Variants in MDM1 observed in about 807,000 individuals in gnomAD.
MDM1 encodes the protein Mdm1 nuclear protein.
In MDM1, 61 loss-of-function variants were observed where a neutral mutation model predicts 89.1. The ratio of observed to expected loss-of-function variants is 0.68; its 90% CI spans 0.56 to 0.85. The LOEUF is 0.85. MDM1 is among the 40% of genes least tolerant of loss of function. MDM1 has a pLI of 0.00. For synonymous variants in MDM1, 290 were observed against 294.1 expected, an observed-to-expected ratio of 0.99 and a Z score of 0.14; for missense variants, 820 against 846.5, an observed-to-expected ratio of 0.97 and a Z score of 0.39.
chr12:68,314,235 T>C (rs1409897437), intron 10 of MDM1, among the ~76,000 whole-genome samples: 1 of 149,498 alleles, frequency 6.7e-6, no homozygotes, highest in Non-Finnish European at 1.5e-5. Context: ...AAATTTCCAA[T>C]AATGAATAGA....
intron 13 of MDM1, 151 bp from the exon 14 acceptor site, chr12:68,297,133 G>T (rs1871509428): frequency 2.2e-6 from 1 of 444,874 alleles, no homozygotes; most frequent in East Asian, 3.5e-5. Flanking sequence ...AAATGAAAAA[G>T]ATTTTATTAA....
chr12:68,325,568 C>A lies in MDM1; in HGVS notation c.506G>T (p.Arg169Ile). 1 of 1,537,886 alleles carries A rather than the reference C, an allele frequency of 6.5e-7. No homozygotes were observed. Among genetic ancestry groups the A allele is most frequent in the South Asian group, 1.3e-5 (1 of 75,314 alleles). The change falls in exon 4 of 15, where the codon AGA becomes ATA. Residue 169 changes from arginine (R) to isoleucine (I), a missense_variant. By Grantham distance (97) the Arg-to-Ile change is moderately conservative (BLOSUM62 -3). Transcript: ENST00000682720. The stretch of plus-strand genomic sequence containing the variant: ...CAATCCAGCTTTCTTACGCAGAAGT[C>A]TATCCAACTGTTCAAAAAACAAAAT... ...LSENVDNGLD[R>I]LLRKKAGLTV...
intron 13 of MDM1, 70 bp downstream of exon 13, chr12:68,302,550 T>G (rs1460382685): frequency 1.6e-6 from 2 of 1,287,022 alleles, no homozygotes; most frequent in African/African-American, 1.5e-5. Flanking sequence ...TAAAATGCAT[T>G]CTTAGACTTT....
chr12:68,301,101 T>C (rs1234288269), intron 13 of MDM1, among the ~76,000 whole-genome samples: 2 of 152,202 alleles, frequency 1.3e-5, no homozygotes, highest in African/African-American at 4.8e-5. Context: ...CAAAAATTCT[T>C]TGAAATGAGT....
chr12:68,321,173 A>T, intron 7 of MDM1, 174 bp downstream of exon 7: 1 of 308,564 alleles, frequency 3.2e-6, no homozygotes, highest in Non-Finnish European at 5.2e-6. Flanking sequence ...CAGTGGCATT[A>T]AAAAAAATGA....
rs1873997908 is a variant in MDM1, at chr12:68,313,532, G to A, written c.1660C>T (p.Pro554Ser). The A allele has an allele frequency of 1.2e-6, 2 of 1,613,718 alleles. No homozygotes were observed. The highest frequency in any genetic ancestry group is 1.3e-5 in the African/African-American group (1 of 74,896). ...GGGGCTGGAGGCTTCATCTTAGATGGAGACACTAAAACAGCACCACCTGGA... is the reference window on the plus strand; with the variant it reads ...GGGGCTGGAGGCTTCATCTTAGATGAAGACACTAAAACAGCACCACCTGGA... ...PAVGGAVLVS[P>S]SKMKPPAPEQ... Residue 554 changes from proline (P) to serine (S), a missense_variant, in exon 12 of 15, where the codon CCA becomes TCA. By Grantham distance (74) the Pro-to-Ser change is moderately conservative (BLOSUM62 -1). Coordinates refer to ENST00000682720, the MANE Select transcript of MDM1 (RefSeq NM_001354969.2).
intron 1 of MDM1, among the ~76,000 whole-genome samples, chr12:68,331,812 T>G (rs1430801744): frequency 6.6e-6 from 1 of 152,204 alleles, no homozygotes; most frequent in East Asian, 1.9e-4. Flanking sequence ...TACGCTGTCT[T>G]TACTAAGAAC....
Position 68,327,535 on chromosome 12 carries a change from CT to C in MDM1, c.134-515del, listed in dbSNP as rs894008126. 78 of 1,521,258 alleles carry C rather than the reference CT, an allele frequency of 5.1e-5. No homozygotes were observed. The African/African-American group carries it at 9.9e-4, about 19-fold the overall frequency. 94.2% of individuals were successfully genotyped at this position (1,521,258 alleles called of 1,614,324 possible). A position where few individuals can be genotyped will look rare whatever the true frequency, so the allele number is the denominator to read the frequency against. ...CCTGAGAATTAAAAAAGAATAAGCCCTTTTAACAACAGCTAAGATACAATTT... is the reference window on the plus strand; with the variant it reads ...CCTGAGAATTAAAAAAGAATAAGCCCTTTAACAACAGCTAAGATACAATTT... On this transcript the variant is annotated intron_variant, in intron 2 of 14. Transcript: ENST00000682720.
rs200711441 is a variant in MDM1 at position 68,302,623 on chromosome 12, T to C, written c.1999A>G (p.Asn667Asp). The C allele has an allele frequency of 1.6e-5, 26 of 1,609,408 alleles. No homozygotes were observed. In the Middle Eastern group the frequency reaches 1.2e-3, roughly 72 times the overall value. The change falls in exon 13 of 15, where the codon AAT (asparagine) becomes GAT (aspartate). Residue 667 changes from asparagine (N) to aspartate (D), a missense_variant. Physicochemically the swap from Asn to Asp is conservative, Grantham distance 23. Transcript: ENST00000682720. ...GSLRDPEFQH[N>D]VGKARMNNLQ... is the part of the protein sequence containing the mutation. ...AAATTAAAACCAAAATAATTACCAT[T>C]GTGCTGAAACTCTGGATCTCTAAGA...
intron 1 of MDM1, 178 bp downstream of exon 1, chr12:68,332,050 G>A: frequency 1.3e-6 from 1 of 784,526 alleles, no homozygotes; most frequent in Non-Finnish European, 2.2e-6. Context: ...TGAGCGGAGA[G>A]GGAACTAGGT....
chr12:68,306,624 AAAG>A (rs1160357070), intron 12 of MDM1, among the ~76,000 whole-genome samples: 1 of 152,234 alleles, frequency 6.6e-6, no homozygotes, highest in African/African-American at 2.4e-5. Flanking sequence ...AACAAACATG[AAAG>A]AATGCTCAAC....
Position 68,295,318 on chromosome 12 carries a change from A to C in MDM1, c.2111T>G (p.Leu704Arg), listed in dbSNP as rs140180238. The C allele has an allele frequency of 1.5e-5, 25 of 1,613,440 alleles. No individual in the cohort carries two copies. In the African/African-American group the frequency reaches 2.8e-4, roughly 18 times the overall value. ...TCGTGCCAGAGTTTGAAAAGCCCGG[A>C]GACTAGAAGCTGCAGAGCGAGCAGA... Reference protein sequence around the residue: ...EISARSAASSLRAFQTLARAK... With the variant: ...EISARSAASSRRAFQTLARAK... Residue 704 changes from leucine to arginine, a missense_variant, in exon 15 of 15, where the codon CTC (leucine) becomes CGC (arginine). By Grantham distance (102) the Leu-to-Arg change is moderately radical (BLOSUM62 -2). Coordinates refer to ENST00000682720, the MANE Select transcript of MDM1 (RefSeq NM_001354969.2).
Position 68,295,146 on chromosome 12 carries a change from T to TA in MDM1, c.*107_*108insT. The TA allele has an allele frequency of 1.5e-6, 1 of 653,936 alleles. No homozygotes were observed. The allele number at this position is 653,936 out of a possible 1,614,324, so 40.5% of individuals were successfully genotyped here. On this transcript the variant is annotated 3_prime_UTR_variant, in exon 15 of 15. Transcript: ENST00000682720. Reference sequence around the variant, plus strand: ...ACTGTTCTATTGGAAATTAAATATTTCAAAGTAGAAAACGTTAGGAAAAAC... The same window carrying TA: ...ACTGTTCTATTGGAAATTAAATATTTACAAAGTAGAAAACGTTAGGAAAAAC...
Position 68,296,984 on chromosome 12 carries a change from T to C in MDM1, c.2003-2A>G. On this transcript the variant is annotated splice_acceptor_variant, in intron 13 of 14. Transcript: ENST00000682720. LOFTEE classifies it high-confidence loss of function. ...AATTGTTCATCCTTGCTTTTCCCAC[T>C]TAAAAAAAAAAAGGCAGAATAAATT... 6.3e-7 allele frequency: 1 copy of C among 1,585,666 alleles called. No homozygotes were observed. Among genetic ancestry groups the C allele is most frequent in the Admixed American group, 1.8e-5 (1 of 54,644 alleles).
intron 1 of MDM1, chr12:68,332,018 C>T (rs980344867): frequency 8.4e-6 from 6 of 718,236 alleles, no homozygotes; most frequent in Non-Finnish European, 1.5e-5. Flanking sequence ...CTCTTCGACA[C>T]ACTGCAGCTT....
intron 4 of MDM1, 21 bp downstream of exon 4, chr12:68,325,420 G>T (rs1875822283): frequency 6.6e-7 from 1 of 1,523,114 alleles, no homozygotes; most frequent in African/African-American, 1.4e-5. Flanking sequence ...ACTCAGAAAT[G>T]TATTACATCC....
At chr12:68,319,373 T>G (rs1054089202) in intron 7 of MDM1, among the ~76,000 whole-genome samples, 1 of 152,018 alleles carries the variant, frequency 6.6e-6, no homozygotes, top group African/African-American at 2.4e-5. Context: ...TAGAAAGAAA[T>G]AAAGATGATA....
At position 68,316,593 on chromosome 12, in the gene MDM1, C is replaced by T. The variant is rs1489965464; in HGVS notation, c.1023G>A (p.Met341Ile). 1 of 1,535,108 alleles carries T rather than the reference C, an allele frequency of 6.5e-7. No individual in the cohort carries two copies. The highest frequency in any genetic ancestry group is 2.0e-5 in the Admixed American group (1 of 50,962). Reference protein sequence around the residue: ...NMPNQGSLNAMWYAEVKELRE... With the variant: ...NMPNQGSLNAIWYAEVKELRE... ...AAAAGCAACCAACCTCAGCATACCA[C>T]ATGGCATTTAGAGAACCCTAGAGAA... The change falls in exon 8 of 15, where the codon ATG (methionine) becomes ATA (isoleucine). Residue 341 changes from methionine (M) to isoleucine (I), a missense_variant. Coordinates refer to ENST00000682720, the MANE Select transcript of MDM1 (RefSeq NM_001354969.2).
At chr12:68,312,999 T>C (rs1310457090) in intron 12 of MDM1, among the ~76,000 whole-genome samples, 1 of 152,146 alleles carries the variant, frequency 6.6e-6, no homozygotes, top group Non-Finnish European at 1.5e-5. Context: ...GCTTTATTTT[T>C]CTCCTTAGCA....
Sources: allele counts gnomAD v4.1 joint callset (sites outside exome capture counted in the v4.1 genomes callset), GRCh38; gene constraint gnomAD v4.1.1; transcripts MANE v1.5; gene names NCBI Gene and HGNC (gene_info 2026-07-23, HGNC 2026-07-21).